Variants in GEMIN6 observed in about 807,000 individuals in gnomAD.
The protein encoded by GEMIN6 is gem-associated protein 6.
In GEMIN6, 13 loss-of-function variants were observed where a neutral mutation model predicts 14.1. The ratio of observed to expected loss-of-function variants is 0.92; its 90% confidence interval spans 0.60 to 1.46. GEMIN6 has a LOEUF of 1.46. Among genes scored for constraint, GEMIN6 ranks in the 40% most tolerant of loss-of-function variants. The pLI, the probability that GEMIN6 is intolerant of heterozygous loss-of-function variation, is 0.00. For missense variants in GEMIN6, 271 were observed against 202.4 expected (o/e 1.34, Z -2.06); for synonymous variants, 87 against 70.0 (o/e 1.24, Z -1.21).
rs946118010 is a variant in GEMIN6, at chr2:38,782,533, C to G, written c.*641C>G. 6.6e-6 allele frequency: 1 copy of G among 151,822 alleles called. No individual in the cohort carries two copies. The highest frequency in any genetic ancestry group is 2.4e-5 in the African/African-American group (1 of 41,328). The allele number at this position is 151,822 out of a possible 1,614,324, so 9.4% of individuals were successfully genotyped here. A position where few individuals can be genotyped will look rare whatever the true frequency, so the allele number is the denominator to read the frequency against. On this transcript the variant is annotated 3_prime_UTR_variant, in exon 3 of 3. Coordinates refer to ENST00000281950, the MANE Select transcript of GEMIN6 (RefSeq NM_024775.10). Reference sequence around the variant, plus strand: ...TGTCTTGGTGGGGCGCGGTGGCTCACGCCTGTAATCCCAGCACTTTGGGAG... The same window carrying G: ...TGTCTTGGTGGGGCGCGGTGGCTCAGGCCTGTAATCCCAGCACTTTGGGAG...
At position 38,784,484 on chromosome 2, in the gene GEMIN6, G is replaced by C. The variant is rs1224252864; in HGVS notation, c.*2592G>C. 1 of 150,758 alleles carries C rather than the reference G, an allele frequency of 6.6e-6. No homozygotes were observed. The highest frequency in any genetic ancestry group is 6.6e-5 in the Admixed American group (1 of 15,052). 9.3% of individuals were successfully genotyped at this position (150,758 alleles called of 1,614,324 possible). On this transcript the variant is annotated 3_prime_UTR_variant, in exon 3 of 3. Coordinates refer to ENST00000281950, the MANE Select transcript of GEMIN6 (RefSeq NM_024775.10). ...TGGGAGGTGGAGGTTGCAGTGAGCC[G>C]AGATTGTACGCATTCCAGCTTGGGC...
rs201717504 is a variant in GEMIN6 at position 38,779,107 on chromosome 2, A to C, written c.117A>C (p.Pro39=). The C allele has an allele frequency of 7.4e-6, 12 of 1,612,544 alleles. No homozygotes were observed. Among genetic ancestry groups the C allele is most frequent in the Non-Finnish European group, 1.0e-5 (12 of 1,179,388 alleles). Residue 39 remains proline (P), a synonymous_variant, in exon 2 of 3, where the codon CCA becomes CCC. Coordinates refer to ENST00000281950, the MANE Select transcript of GEMIN6 (RefSeq NM_024775.10). The part of the protein sequence containing the change: ...EYKGWVLTTD[P]VSANIVLVNF... ...AAGGATGGGTTTTAACTACAGACCC[A>C]GTCTCTGCCAAGTGAGTATGCATCC...
rs915930039 is a variant in GEMIN6, at chr2:38,784,030, A to T, written c.*2138A>T. On this transcript the variant is annotated 3_prime_UTR_variant, in exon 3 of 3. Transcript: ENST00000281950. ...TACCGTTCCCAGACCACACTTGCAG[A>T]AGCAGTTCAGAAACTTCAGGGGAAC... The T allele has an allele frequency of 1.3e-5, 2 of 152,186 alleles. No individual in the cohort carries two copies. Among genetic ancestry groups the T allele is most frequent in the Admixed American group, 1.3e-4 (2 of 15,250 alleles). 9.4% of individuals were successfully genotyped at this position (152,186 alleles called of 1,614,324 possible).
rs1451344193 is a variant in GEMIN6 at position 38,782,302 on chromosome 2, C to A, written c.*410C>A. The A allele has an allele frequency of 6.3e-6, 1 of 157,528 alleles. No individual in the cohort carries two copies. Among genetic ancestry groups the A allele is most frequent in the Non-Finnish European group, 1.4e-5 (1 of 71,826 alleles). 9.8% of individuals were successfully genotyped at this position (157,528 alleles called of 1,614,324 possible). ...GGGACTACAGGTGCACGCCACCACT[C>A]CCAGCTAATTTTTTGTATTTTAGTA... On this transcript the variant is annotated 3_prime_UTR_variant, in exon 3 of 3. Transcript: ENST00000281950.
Position 38,781,977 on chromosome 2 carries a change from G to A in GEMIN6, c.*85G>A. On this transcript the variant is annotated 3_prime_UTR_variant, in exon 3 of 3. Coordinates refer to ENST00000281950, the MANE Select transcript of GEMIN6 (RefSeq NM_024775.10). ...GTTTTAAATGTAAATGTACATGACT[G>A]TGTGTGTGTATGTGTGTGTGTGTAT... 1 of 1,277,222 alleles carries A rather than the reference G, an allele frequency of 7.8e-7. No individual in the cohort carries two copies. The highest frequency in any genetic ancestry group is 1.1e-6 in the Non-Finnish European group (1 of 920,592). 79.1% of individuals were successfully genotyped at this position (1,277,222 alleles called of 1,614,324 possible).
At chr2:38,778,539 G>C (rs938517190) in intron 1 of GEMIN6, among the ~76,000 whole-genome samples, 1 of 152,172 alleles carries the variant, frequency 6.6e-6, no homozygotes, top group Non-Finnish European at 1.5e-5. Context: ...TTCTGGTTCA[G>C]TTGAGGAGTG....
rs1669116115 is a variant in GEMIN6 at position 38,782,604 on chromosome 2, G to C, written c.*712G>C. The C allele has an allele frequency of 6.6e-6, 1 of 151,360 alleles. No homozygotes were observed. Among genetic ancestry groups the C allele is most frequent in the South Asian group, 2.1e-4 (1 of 4,770 alleles). 9.4% of individuals were successfully genotyped at this position (151,360 alleles called of 1,614,324 possible). On this transcript the variant is annotated 3_prime_UTR_variant, in exon 3 of 3. Coordinates refer to ENST00000281950, the MANE Select transcript of GEMIN6 (RefSeq NM_024775.10). ...AGGTCAGGAGATCGAGACCATCCTG[G>C]CTAACACGGTGAAACCCCTTCTCTA...
intron 2 of GEMIN6, 97 bp downstream of exon 2, chr2:38,779,215 T>A: frequency 8.0e-7 from 1 of 1,256,100 alleles, no homozygotes; most frequent in Non-Finnish European, 1.1e-6. Context: ...AAAAGCTAAT[T>A]ATTAATATTT....
intron 2 of GEMIN6, among the ~76,000 whole-genome samples, chr2:38,779,647 TATA>T (rs1669031686): frequency 3.4e-5 from 1 of 29,672 alleles, no homozygotes; most frequent in African/African-American, 8.5e-5. Flanking sequence ...TATATATATA[TATA>T]TATATATATA....
In GEMIN6 at chr2:38,778,259, A is replaced by G. The variant is rs1668998110; in HGVS notation, c.-42A>G. 6.6e-6 allele frequency: 1 copy of G among 152,138 alleles called. No individual in the cohort carries two copies. The highest frequency in any genetic ancestry group is 2.4e-5 in the African/African-American group (1 of 41,426). The allele number at this position is 152,138 out of a possible 1,614,324, so 9.4% of individuals were successfully genotyped here. ...CAAAGCATGGTTGCTGAGTACCCAG[A>G]GTTGCGAGGAGTTTTTTAACTGGTA... is the stretch of plus-strand genomic sequence containing the variant. On this transcript the variant is annotated 5_prime_UTR_variant, in exon 1 of 3. Transcript: ENST00000281950.
In GEMIN6 at chr2:38,779,223, T is replaced by C. The variant is rs551759390; in HGVS notation, c.128+105T>C. On this transcript the variant is annotated intron_variant, in intron 2 of 2. Coordinates refer to ENST00000281950, the MANE Select transcript of GEMIN6 (RefSeq NM_024775.10). Reference sequence around the variant, plus strand: ...ATAAATGAAAAGCTAATTATTAATATTTTCATATAAGAATTTTTTGTTTGT... The same window carrying C: ...ATAAATGAAAAGCTAATTATTAATACTTTCATATAAGAATTTTTTGTTTGT... 8 of 1,223,050 alleles carry C rather than the reference T, an allele frequency of 6.5e-6. No individual in the cohort carries two copies. The South Asian group carries it at 1.2e-4, about 18-fold the overall frequency. The allele number at this position is 1,223,050 out of a possible 1,614,324, so 75.8% of individuals were successfully genotyped here. A position where few individuals can be genotyped will look rare whatever the true frequency, so the allele number is the denominator to read the frequency against.
chr2:38,779,992 G>C (rs1669043759), intron 2 of GEMIN6, among the ~76,000 whole-genome samples: 1 of 149,176 alleles, frequency 6.7e-6, no homozygotes, highest in South Asian at 2.3e-4. Context: ...CTATAATTTT[G>C]TTTATAAATA....
Position 38,781,850 on chromosome 2 carries a change from T to C in GEMIN6, c.462T>C (p.Arg154=). 1 of 1,613,246 alleles carries C rather than the reference T, an allele frequency of 6.2e-7. No homozygotes were observed. The highest frequency in any genetic ancestry group is 8.5e-7 in the Non-Finnish European group (1 of 1,179,460). The part of the protein sequence containing the change: ...CSSSNEIILS[R]VQDLIEGHLT... ...GCTCTAATGAGATTATTCTGTCGCGTGTTCAGGATCTTATTGAAGGACATC... is the reference window on the plus strand; with the variant it reads ...GCTCTAATGAGATTATTCTGTCGCGCGTTCAGGATCTTATTGAAGGACATC... The change falls in exon 3 of 3, where the codon CGT becomes CGC. Residue 154 remains arginine, a synonymous_variant. Transcript: ENST00000281950.
rs369158496 is a variant in GEMIN6 at position 38,781,611 on chromosome 2, G to A, written c.223G>A (p.Asp75Asn). ...VQTVETMNEG[D>N]HRVREKLMHL... is the part of the protein sequence containing the mutation. ...GACTGTTGAAACTATGAATGAAGGG[G>A]ACCATAGAGTGAGGGAGAAGCTGAT... The change falls in exon 3 of 3, where the codon GAC (aspartate) becomes AAC (asparagine). Residue 75 changes from aspartate (D) to asparagine (N), a missense_variant. Coordinates refer to ENST00000281950, the MANE Select transcript of GEMIN6 (RefSeq NM_024775.10). 43 of 1,614,074 alleles carry A rather than the reference G, an allele frequency of 2.7e-5. No individual in the cohort carries two copies. Among genetic ancestry groups the A allele is most frequent in the Non-Finnish European group, 3.6e-5 (42 of 1,180,030 alleles).
rs1030572411 is a variant in GEMIN6 at position 38,783,928 on chromosome 2, C to T, written c.*2036C>T. ...TCAAAACAGATTGCTGGACCCTCCT[C>T]CCAACAGATTCTGATTCAGTAGTTC... On this transcript the variant is annotated 3_prime_UTR_variant, in exon 3 of 3. Coordinates refer to ENST00000281950, the MANE Select transcript of GEMIN6 (RefSeq NM_024775.10). 1 of 152,168 alleles carries T rather than the reference C, an allele frequency of 6.6e-6. No individual in the cohort carries two copies. The highest frequency in any genetic ancestry group is 2.4e-5 in the African/African-American group (1 of 41,440). The allele number at this position is 152,168 out of a possible 1,614,324, so 9.4% of individuals were successfully genotyped here.
intron 2 of GEMIN6, 145 bp downstream of exon 2, chr2:38,779,263 T>C (rs1669021528): frequency 1.2e-6 from 1 of 829,316 alleles, no homozygotes. Flanking sequence ...GACAGGGTTC[T>C]ACTGTCACCC....
rs1480354382 is a variant in GEMIN6 at position 38,784,250 on chromosome 2, G to A, written c.*2358G>A. The A allele has an allele frequency of 1.3e-5, 2 of 152,202 alleles. No individual in the cohort carries two copies. The highest frequency in any genetic ancestry group is 2.9e-5 in the Non-Finnish European group (2 of 68,150). The allele number at this position is 152,202 out of a possible 1,614,324, so 9.4% of individuals were successfully genotyped here. A position where few individuals can be genotyped will look rare whatever the true frequency, so the allele number is the denominator to read the frequency against. On this transcript the variant is annotated 3_prime_UTR_variant, in exon 3 of 3. Coordinates refer to ENST00000281950, the MANE Select transcript of GEMIN6 (RefSeq NM_024775.10). The stretch of plus-strand genomic sequence containing the variant: ...CAAGATGAGGGAGGCCTTTGAAAAG[G>A]AAGAAGCCAGCTGGGCGCGGTGGCT...
chr2:38,779,256 A>G, intron 2 of GEMIN6, 138 bp downstream of exon 2: 1 of 899,792 alleles, frequency 1.1e-6, no homozygotes, highest in South Asian at 1.6e-5. Context: ...TGTTTGAGAC[A>G]GGGTTCTACT....
Position 38,779,126 on chromosome 2 carries a change from T to A in GEMIN6, c.128+8T>A, listed in dbSNP as rs1243573660. On this transcript the variant is annotated splice_region_variant and intron_variant, in intron 2 of 2. Transcript: ENST00000281950. ...AGACCCAGTCTCTGCCAAGTGAGTA[T>A]GCATCCTACTTGCCTGAAATCTTGA... 1.2e-6 allele frequency: 2 copies of A among 1,608,168 alleles called. No individual in the cohort carries two copies. Among genetic ancestry groups the A allele is most frequent in the Non-Finnish European group, 1.7e-6 (2 of 1,177,368 alleles).
Sources: gnomAD v4.1 joint callset for allele counts (sites outside exome capture counted in the v4.1 genomes callset) on GRCh38, gnomAD v4.1.1 for gene constraint, MANE v1.5 for transcripts, NCBI Gene and HGNC (gene_info 2026-07-23, HGNC 2026-07-21) for gene names.